ABCA10: variants seen among roughly 807,000 people sequenced by gnomAD.
The protein encoded by ABCA10 is ATP binding cassette subfamily A member 10, also known as ATP-binding cassette sub-family A member 10.
In ABCA10, 169 loss-of-function variants were observed where a neutral mutation model predicts 187.5. That is an observed-to-expected ratio of 0.90 (90% CI 0.80 to 1.02). ABCA10 has a LOEUF of 1.02. Ranked by LOEUF, ABCA10 falls within the 50% of genes least tolerant of loss-of-function variation. ABCA10 has a pLI of 0.00. For missense variants in ABCA10, 1,727 were observed against 1,812.4 expected (o/e 0.95, Z 0.86); for synonymous variants, 574 against 601.8 (o/e 0.95, Z 0.68).
At position 69,201,599 on chromosome 17, in the gene ABCA10, G is replaced by T. The variant is rs777225232; in HGVS notation, c.1076C>A (p.Thr359Asn). 12 of 1,612,650 alleles carry T rather than the reference G, an allele frequency of 7.4e-6. No homozygotes were observed. The highest frequency in any genetic ancestry group is 1.0e-5 in the Non-Finnish European group (12 of 1,179,494). Residue 359 changes from threonine (T) to asparagine (N), a missense_variant, in exon 10 of 39, where the codon ACT (threonine) becomes AAT (asparagine). Thr to Asn is a moderately conservative substitution (Grantham distance 65, BLOSUM62 0). Transcript: ENST00000690296. ...KSSFWSKHQN[T>N]HHEIFENEIN... ...TTCATTCTCAAAGATTTCATGATGA[G>T]TATTTTGATGTTTGGACCAAAATGA...
intron 28 of ABCA10, 106 bp from the exon 29 acceptor site, chr17:69,156,031 C>T (rs2074171950): frequency 3.1e-6 from 4 of 1,283,888 alleles, no homozygotes; most frequent in Non-Finnish European, 2.1e-6. Flanking sequence ...AAAAGACTAT[C>T]ACATCATTAA....
intron 36 of ABCA10, 50 bp from the exon 37 acceptor site, chr17:69,150,113 C>A: frequency 2.2e-6 from 3 of 1,385,380 alleles, no homozygotes; most frequent in Non-Finnish European, 3.0e-6. Context: ...TGTGATAATA[C>A]GGGGGAGGAA....
In ABCA10 at chr17:69,175,277, T is replaced by C; in HGVS notation, c.2877+129A>G. 3 of 727,336 alleles carry C rather than the reference T, an allele frequency of 4.1e-6. No homozygotes were observed. The South Asian group carries it at 6.1e-5, about 15-fold the overall frequency. 45.1% of individuals were successfully genotyped at this position (727,336 alleles called of 1,614,324 possible). ...ATGTGTTTACTATAATCTATACTGA[T>C]ATTAGATTGTAATGTATGTGTAAAA... is the stretch of plus-strand genomic sequence containing the variant. On this transcript the variant is annotated intron_variant, in intron 23 of 38. Transcript: ENST00000690296.
rs553603799 is a variant in ABCA10, at chr17:69,155,933, G to A, written c.3456-8C>T. ...CTACTCCGTGGAGAGATTCTACAGA[G>A]GAAATAAAATAACATAAAAATGCAA... On this transcript the variant is annotated splice_polypyrimidine_tract_variant and splice_region_variant and intron_variant, in intron 28 of 38. Coordinates refer to ENST00000690296, the MANE Select transcript of ABCA10 (RefSeq NM_001377321.1). 6.2e-7 allele frequency: 1 copy of A among 1,607,260 alleles called. No homozygotes were observed. Among genetic ancestry groups the A allele is most frequent in the South Asian group, 1.1e-5 (1 of 89,692 alleles).
intron 36 of ABCA10, among the ~76,000 whole-genome samples, chr17:69,151,388 G>A (rs936379883): frequency 1.3e-5 from 2 of 151,942 alleles, no homozygotes; most frequent in African/African-American, 4.8e-5. Flanking sequence ...CTATTTTGTT[G>A]ACTATTCAAT....
intron 27 of ABCA10, among the ~76,000 whole-genome samples, chr17:69,157,667 A>T (rs928032195): frequency 1.3e-5 from 2 of 152,178 alleles, no homozygotes; most frequent in African/African-American, 4.8e-5. Flanking sequence ...TCCCAGAAAC[A>T]GACTCTACAT....
upstream of ABCA10, among the ~76,000 whole-genome samples, chr17:69,229,558 G>C (rs2074817292): frequency 6.6e-6 from 1 of 151,548 alleles, no homozygotes; most frequent in Non-Finnish European, 1.5e-5. Flanking sequence ...TACACTTCTT[G>C]GTATGCATAC....
chr17:69,153,620 T>C lies in ABCA10; in HGVS notation c.3966-74A>G, dbSNP rs1408159952. 2.2e-5 allele frequency: 34 copies of C among 1,554,718 alleles called. No homozygotes were observed. In the East Asian group the frequency reaches 5.6e-4, roughly 26 times the overall value. On this transcript the variant is annotated intron_variant, in intron 32 of 38. Transcript: ENST00000690296. ...TATCTAAAACAACTGTAGGAAACTCTAAGCACTATTATTCTAGATAGTAAA... is the reference window on the plus strand; with the variant it reads ...TATCTAAAACAACTGTAGGAAACTCCAAGCACTATTATTCTAGATAGTAAA...
At chr17:69,155,241 G>T in intron 29 of ABCA10, 105 bp from the exon 30 acceptor site, 1 of 847,604 alleles carries the variant, frequency 1.2e-6, no homozygotes, top group Non-Finnish European at 1.9e-6. Context: ...TAAATTTAAT[G>T]CCAGGCTGAA....
Position 69,165,001 on chromosome 17 carries a change from G to T in ABCA10, c.3245C>A (p.Ser1082Tyr). The T allele has an allele frequency of 1.2e-6, 2 of 1,613,304 alleles. No homozygotes were observed. Among genetic ancestry groups the T allele is most frequent in the Non-Finnish European group, 1.7e-6 (2 of 1,179,462 alleles). Residue 1082 changes from serine (S) to tyrosine (Y), a missense_variant, in exon 26 of 39, where the codon TCC becomes TAC. Ser to Tyr is a moderately radical substitution (Grantham distance 144). Transcript: ENST00000690296. Reference protein sequence around the residue: ...NLILCMIFIPSFTLLGYVMLL... With the variant: ...NLILCMIFIPYFTLLGYVMLL... ...CATGACATACCCCAGCAAAGTGAAG[G>T]AAGGTATGAAAATCATGCACAAAAT...
rs1276045446 is a variant in ABCA10, at chr17:69,157,755, TCAACTGCTGGGA to T, written c.3364-844_3364-833del. Among the ~76,000 whole-genome samples, 3 of 151,832 alleles carry T rather than the reference TCAACTGCTGGGA, an allele frequency of 2.0e-5. No individual in the cohort carries two copies. The East Asian group carries it at 5.8e-4, about 29-fold the overall frequency. On this transcript the variant is annotated intron_variant, in intron 27 of 38. Transcript: ENST00000690296. ...GCACAGACTTTTCAAAACAGTTGTC[TCAACTGCTGGGA>T]CAACTGGACATCCTTAAAGATAGAA...
At chr17:69,223,566 C>T in intron 3 of ABCA10, 3 of 349,174 alleles carry the variant, frequency 8.6e-6, no homozygotes, top group Non-Finnish European at 1.7e-5. Flanking sequence ...AACTTTGTAT[C>T]TCACTCAGGG....
intron 22 of ABCA10, among the ~76,000 whole-genome samples, chr17:69,177,955 CAAAAAAAA>C (rs11320201): frequency 6.2e-5 from 4 of 64,974 alleles, no homozygotes; most frequent in African/African-American, 1.0e-4. Flanking sequence ...GACTCCATTT[CAAAAAAAA>C]AAAAAAAAAA....
At chr17:69,196,151 GC>G (rs2074499431) in intron 11 of ABCA10, 1 of 157,126 alleles carries the variant, frequency 6.4e-6, no homozygotes. Flanking sequence ...GGCGGGGGCT[GC>G]CCCCCACCTC....
rs373707073 is a variant in ABCA10 at position 69,182,263 on chromosome 17, T to C, written c.2659A>G (p.Thr887Ala). Residue 887 changes from threonine to alanine, a missense_variant, in exon 22 of 39, where the codon ACC (threonine) becomes GCC (alanine). Coordinates refer to ENST00000690296, the MANE Select transcript of ABCA10 (RefSeq NM_001377321.1). ...KDYRFSVACN[T>A]KKLNCFPVLM... ...ACAGGAAAACAATTCAATTTCTTGGTATTACACGCAACAGAAAATCTGTAA... is the reference window on the plus strand; with the variant it reads ...ACAGGAAAACAATTCAATTTCTTGGCATTACACGCAACAGAAAATCTGTAA... 1.9e-6 allele frequency: 3 copies of C among 1,575,718 alleles called. No individual in the cohort carries two copies. Among genetic ancestry groups the C allele is most frequent in the African/African-American group, 2.7e-5 (2 of 73,342 alleles).
intron 22 of ABCA10, among the ~76,000 whole-genome samples, chr17:69,177,032 T>C (rs1428532199): frequency 6.6e-6 from 1 of 152,156 alleles, no homozygotes; most frequent in Non-Finnish European, 1.5e-5. Flanking sequence ...CTGCATATCC[T>C]CAACTTCATC....
chr17:69,243,502 C>G (rs2144873801), intron 1 of ABCA10, among the ~76,000 whole-genome samples: 1 of 152,220 alleles, frequency 6.6e-6, no homozygotes, highest in East Asian at 1.9e-4. Context: ...ACTATGTGGC[C>G]CATTTTTGAC....
rs2074432439 is a variant in ABCA10, at chr17:69,187,728, T to C, written c.2283A>G (p.Thr761=). 1.2e-6 allele frequency: 2 copies of C among 1,613,878 alleles called. No individual in the cohort carries two copies. The highest frequency in any genetic ancestry group is 2.2e-5 in the East Asian group (1 of 44,884). Residue 761 remains threonine (T), a synonymous_variant, in exon 19 of 39, where the codon ACA becomes ACG. Transcript: ENST00000690296. ...LWRRQIYAVA[T]LRFLKLRRER... Reference sequence around the variant, plus strand: ...CACGCCTTAACTTTAAGAAGCGAAGTGTTGCCACTGCATAGATTTGTCGTC... The same window carrying C: ...CACGCCTTAACTTTAAGAAGCGAAGCGTTGCCACTGCATAGATTTGTCGTC...
intron 20 of ABCA10, among the ~76,000 whole-genome samples, chr17:69,185,261 T>C (rs2074412291): frequency 6.6e-6 from 1 of 152,040 alleles, no homozygotes; most frequent in Non-Finnish European, 1.5e-5. Flanking sequence ...CTTATACATG[T>C]AACCAAACAC....
Sources: allele counts gnomAD v4.1 joint callset (sites outside exome capture counted in the v4.1 genomes callset), GRCh38; gene constraint gnomAD v4.1.1; transcripts MANE v1.5; gene names NCBI Gene and HGNC (gene_info 2026-07-23, HGNC 2026-07-21).